Variants in CACNA2D3 observed in about 807,000 individuals in gnomAD.
The protein encoded by CACNA2D3 is voltage-dependent calcium channel subunit alpha-2/delta-3.
In CACNA2D3, 60 loss-of-function variants were observed where a neutral mutation model predicts 160.6. The observed-to-expected ratio is 0.37, with a 90% CI of 0.30 to 0.46. The LOEUF (loss-of-function observed/expected upper bound fraction) is 0.46, where lower values mean the gene tolerates loss of function less well. Ranked by LOEUF, CACNA2D3 falls within the 20% of genes least tolerant of loss-of-function variation. The pLI is 1.00. For synonymous variants in CACNA2D3, 558 were observed against 492.9 expected (o/e 1.13, Z -1.75); for missense variants, 1,205 against 1,365.0 (o/e 0.88, Z 1.85).
In CACNA2D3 at chr3:55,043,413, T is replaced by C. The variant is rs75622425; in HGVS notation, c.2987+25096T>C. 9.5e-3 allele frequency among the ~76,000 whole-genome samples: 1,409 copies of C among 147,890 alleles called. 24 individuals are homozygous for C. The highest frequency in any genetic ancestry group is 0.033 in the African/African-American group (1,330 of 40,564). ...TTTGCACTTCCATGACGAATAATGA[T>C]TTTAAGATTCTTTTCATGTAATTCC... On this transcript the variant is annotated intron_variant, in intron 35 of 37. Transcript: ENST00000474759.
intron 2 of CACNA2D3, among the ~76,000 whole-genome samples, chr3:54,204,284 C>T (rs981329387): frequency 5.9e-5 from 9 of 152,090 alleles, no homozygotes; most frequent in Non-Finnish European, 1.2e-4. Flanking sequence ...TATATATACA[C>T]ATACACATTC....
intron 11 of CACNA2D3, among the ~76,000 whole-genome samples, chr3:54,739,510 T>G (rs531329875): frequency 6.6e-6 from 1 of 151,866 alleles, no homozygotes; most frequent in Admixed American, 6.6e-5. Flanking sequence ...CAAGGTTATT[T>G]CTAGGAACAA....
At chr3:54,633,024 A>G (rs1699278354) in intron 10 of CACNA2D3, among the ~76,000 whole-genome samples, 1 of 152,204 alleles carries the variant, frequency 6.6e-6, no homozygotes, top group Admixed American at 6.5e-5. Flanking sequence ...TCGGAGTTGC[A>G]GGAGTGGCTG....
intron 18 of CACNA2D3, chr3:54,876,449 ATCATAGTACTTAGAGC>A (rs1210825237): frequency 1.3e-5 from 2 of 152,228 alleles, no homozygotes; most frequent in African/African-American, 4.8e-5. Context: ...TCAACCCTAG[ATCATAGTACTTAGAGC>A]TCGTAGAAGA....
chr3:54,771,687 TC>T (rs1472696356), intron 13 of CACNA2D3, among the ~76,000 whole-genome samples: 2 of 152,194 alleles, frequency 1.3e-5, no homozygotes, highest in Admixed American at 1.3e-4. Flanking sequence ...AAAAGCTTCT[TC>T]CATTAAGTCA....
chr3:54,900,929 T>G (rs950053850), intron 27 of CACNA2D3, among the ~76,000 whole-genome samples: 1 of 152,230 alleles, frequency 6.6e-6, no homozygotes, highest in African/African-American at 2.4e-5. Flanking sequence ...TGGTTATTCC[T>G]GAGTTACTGG....
chr3:55,002,168 A>G (rs1029955607), intron 31 of CACNA2D3, among the ~76,000 whole-genome samples: 15 of 151,984 alleles, frequency 9.9e-5, no homozygotes, highest in Non-Finnish European at 2.1e-4. Flanking sequence ...AAAAAAAAAA[A>G]AAAAAAGAAT....
intron 27 of CACNA2D3, among the ~76,000 whole-genome samples, chr3:54,957,164 T>A: frequency 2.4e-5 from 1 of 41,628 alleles, no homozygotes; most frequent in South Asian, 7.6e-4. Context: ...TAAAATAATT[T>A]TCTTTTTTTT....
chr3:55,043,028 T>C (rs940029449), intron 35 of CACNA2D3, among the ~76,000 whole-genome samples: 1 of 152,206 alleles, frequency 6.6e-6, no homozygotes, highest in Admixed American at 6.5e-5. Context: ...TTGGACACTT[T>C]GGAGTTTTTG....
intron 3 of CACNA2D3, among the ~76,000 whole-genome samples, chr3:54,350,968 G>GGTTTTTTTTTTTTT (rs1698542647): frequency 1.8e-5 from 1 of 56,106 alleles, no homozygotes; most frequent in Non-Finnish European, 3.5e-5. Flanking sequence ...TCTTGAGTCT[G>GGTTTTTTTTTTTTT]TTTTTTTTTT....
At chr3:55,053,755 A>G (rs1282923771) in intron 35 of CACNA2D3, among the ~76,000 whole-genome samples, 3 of 152,010 alleles carry the variant, frequency 2.0e-5, no homozygotes, top group Non-Finnish European at 4.4e-5. Flanking sequence ...TTTCTTTAAA[A>G]TCTGGATGAA....
At chr3:54,797,778 A>G (rs547095307) in intron 13 of CACNA2D3, among the ~76,000 whole-genome samples, 2 of 152,198 alleles carry the variant, frequency 1.3e-5, no homozygotes, top group Non-Finnish European at 2.9e-5. Flanking sequence ...AAGAAAAAAG[A>G]CTTTTATAAA....
rs571253167 is a variant in CACNA2D3, at chr3:54,637,410, G to A, written c.1054-4718G>A. 8.6e-5 allele frequency among the ~76,000 whole-genome samples: 13 copies of A among 152,016 alleles called. No homozygotes were observed. The East Asian group carries it at 1.7e-3, about 20-fold the overall frequency. On this transcript the variant is annotated intron_variant, in intron 10 of 37. Coordinates refer to ENST00000474759, the MANE Select transcript of CACNA2D3 (RefSeq NM_018398.3). Reference sequence around the variant, plus strand: ...AGAAGGGCGGCAATGAGATATAGCTGTAGTCCAGGAATAGTCAGGGAAGCA... The same window carrying A: ...AGAAGGGCGGCAATGAGATATAGCTATAGTCCAGGAATAGTCAGGGAAGCA...
intron 5 of CACNA2D3, among the ~76,000 whole-genome samples, chr3:54,504,565 G>C (rs1459802514): frequency 6.6e-6 from 1 of 152,086 alleles, no homozygotes; most frequent in East Asian, 1.9e-4. Context: ...TGCTCTGCTT[G>C]GTCATACCTA....
chr3:54,701,115 G>T (rs1290298906), intron 11 of CACNA2D3, among the ~76,000 whole-genome samples: 1 of 152,158 alleles, frequency 6.6e-6, no homozygotes, highest in Non-Finnish European at 1.5e-5. Context: ...ATTCCTAAAA[G>T]AAACCAATTT....
chr3:54,871,774 G>A (rs1399778788), intron 18 of CACNA2D3, among the ~76,000 whole-genome samples, 152 bp downstream of exon 18: 1 of 134,808 alleles, frequency 7.4e-6, no homozygotes, highest in African/African-American at 2.4e-5. Flanking sequence ...TGTACCATGT[G>A]TGGAGTTTTA....
rs528076932 is a variant in CACNA2D3 at position 54,838,065 on chromosome 3, G to A, written c.1471-503G>A. On this transcript the variant is annotated intron_variant, in intron 15 of 37. Coordinates refer to ENST00000474759, the MANE Select transcript of CACNA2D3 (RefSeq NM_018398.3). Reference sequence around the variant, plus strand: ...TGCCTTGGAAAATGGGGCTCCAGAGGCCTATTCCTTCACCTTGGTCCTCAG... The same window carrying A: ...TGCCTTGGAAAATGGGGCTCCAGAGACCTATTCCTTCACCTTGGTCCTCAG... 2.6e-5 allele frequency among the ~76,000 whole-genome samples: 4 copies of A among 152,258 alleles called. No individual in the cohort carries two copies. The East Asian group carries it at 7.7e-4, about 29-fold the overall frequency.
At chr3:54,206,181 G>C (rs900910232) in intron 2 of CACNA2D3, among the ~76,000 whole-genome samples, 1 of 152,064 alleles carries the variant, frequency 6.6e-6, no homozygotes, top group East Asian at 1.9e-4. Context: ...TTCTCTTTTC[G>C]CATTTCTAGA....
At chr3:54,478,772 C>T (rs1311698276) in intron 4 of CACNA2D3, among the ~76,000 whole-genome samples, 1 of 142,632 alleles carries the variant, frequency 7.0e-6, no homozygotes, top group Non-Finnish European at 1.5e-5. Context: ...ACTACTCACC[C>T]ATTAGTCAGG....
Sources: gnomAD v4.1 joint callset for allele counts (sites outside exome capture counted in the v4.1 genomes callset) on GRCh38, gnomAD v4.1.1 for gene constraint, MANE v1.5 for transcripts, NCBI Gene and HGNC (gene_info 2026-07-23, HGNC 2026-07-21) for gene names.